AGPAT3: variants seen among roughly 807,000 people sequenced by gnomAD.
AGPAT3 encodes 1-acylglycerol-3-phosphate O-acyltransferase 3.
In AGPAT3, 5 loss-of-function variants were observed where a neutral mutation model predicts 47.3. The observed-to-expected ratio is 0.11, with a 90% CI of 0.06 to 0.22. The LOEUF (loss-of-function observed/expected upper bound fraction) is 0.22. AGPAT3 is among the 10% of genes least tolerant of loss of function. The probability of loss-of-function intolerance (pLI) is 1.00; values close to 1 mark genes in which losing one functional copy is unlikely to be tolerated. For missense variants in AGPAT3, 315 were observed against 493.0 expected, an observed-to-expected ratio of 0.64 and a Z score of 3.42; for synonymous variants, 212 against 208.3, an observed-to-expected ratio of 1.02 and a Z score of -0.15.
At chr21:43,947,642 G>A (rs2087960786) in intron 2 of AGPAT3, among the ~76,000 whole-genome samples, 1 of 152,036 alleles carries the variant, frequency 6.6e-6, no homozygotes, top group South Asian at 2.1e-4. Flanking sequence ...AACGGAGGTG[G>A]CATGTAACCA....
chr21:43,941,062 T>C (rs572328660), intron 2 of AGPAT3, among the ~76,000 whole-genome samples: 1 of 152,278 alleles, frequency 6.6e-6, no homozygotes, highest in African/African-American at 2.4e-5. Context: ...CCTCTGTCCA[T>C]GGGGTGTGTG....
chr21:43,922,426 C>T lies in AGPAT3; in HGVS notation c.-49+18407C>T, dbSNP rs1186186055. Among the ~76,000 whole-genome samples the T allele has an allele frequency of 1.3e-5, 2 of 152,046 alleles. No individual in the cohort carries two copies. The highest frequency in any genetic ancestry group is 4.8e-5 in the African/African-American group (2 of 41,390). On this transcript the variant is annotated intron_variant, in intron 2 of 9. Transcript: ENST00000291572. This position sits in a 1 kb window ranked among gnomAD's most constrained non-coding sequence, Gnocchi z 4.9. ...TCGAAGGAGGCTGCTGGCTTGTGAC[C>T]CTCCTTAACCCCACCCTCAAGGCAG...
Position 43,934,341 on chromosome 21 carries a change from A to T in AGPAT3, c.-48-25293A>T, listed in dbSNP as rs1040381391. 6.6e-6 allele frequency among the ~76,000 whole-genome samples: 1 copy of T among 152,142 alleles called. No individual in the cohort carries two copies. Among genetic ancestry groups the T allele is most frequent in the Non-Finnish European group, 1.5e-5 (1 of 68,026 alleles). On this transcript the variant is annotated intron_variant, in intron 2 of 9. Transcript: ENST00000291572. This position sits in a 1 kb window ranked among gnomAD's most constrained non-coding sequence, Gnocchi z 4.7. ...GGGCCTCCAGGCCTCGTCTTCCTTCACTGTGCCCATGCTCAGAGATGGTGA... is the reference window on the plus strand; with the variant it reads ...GGGCCTCCAGGCCTCGTCTTCCTTCTCTGTGCCCATGCTCAGAGATGGTGA...
chr21:43,885,537 C>T (rs536331330), intron 1 of AGPAT3, among the ~76,000 whole-genome samples: 24 of 152,068 alleles, frequency 1.6e-4, no homozygotes, highest in African/African-American at 5.3e-4. Context: ...TACAGGCACA[C>T]GCCACCATGC....
chr21:43,883,283 A>G (rs2085894540), intron 1 of AGPAT3, among the ~76,000 whole-genome samples: 1 of 152,172 alleles, frequency 6.6e-6, no homozygotes, highest in Non-Finnish European at 1.5e-5. Flanking sequence ...AGGAGCCCAG[A>G]GTCCATGGTG....
At chr21:43,867,371 C>T (rs533614487) in intron 1 of AGPAT3, 2 of 152,360 alleles carry the variant, frequency 1.3e-5, no homozygotes, top group East Asian at 1.9e-4. Context: ...TTGGAATTCT[C>T]CTAAACAGGG....
Position 43,955,202 on chromosome 21 carries a change from C to T in AGPAT3, c.-48-4432C>T, listed in dbSNP as rs1485284965. 1.4e-5 allele frequency: 17 copies of T among 1,250,250 alleles called. No individual in the cohort carries two copies. The highest frequency in any genetic ancestry group is 1.0e-4 in the Admixed American group (4 of 40,054). The allele number at this position is 1,250,250 out of a possible 1,614,324, so 77.4% of individuals were successfully genotyped here. A position where few individuals can be genotyped will look rare whatever the true frequency, so the allele number is the denominator to read the frequency against. On this transcript the variant is annotated intron_variant, in intron 2 of 9. Transcript: ENST00000291572. This position sits in a 1 kb window ranked among gnomAD's most constrained non-coding sequence, Gnocchi z 4.1. ...AAGCACCGCGCTGGACCGGCTGGGC[C>T]AGATGCCATGGGATTCTGTGTTTGT...
At chr21:43,907,577 C>T (rs543173890) in intron 2 of AGPAT3, among the ~76,000 whole-genome samples, 4 of 152,060 alleles carry the variant, frequency 2.6e-5, no homozygotes, top group South Asian at 2.1e-4. Context: ...ATTAGCTGGG[C>T]GTGGTGGCGG....
In AGPAT3 at chr21:43,921,802, T is replaced by G. The variant is rs116832867; in HGVS notation, c.-49+17783T>G. Among the ~76,000 whole-genome samples, 1,470 of 152,030 alleles carry G rather than the reference T, an allele frequency of 9.7e-3. 30 individuals are homozygous for G. Among genetic ancestry groups the G allele is most frequent in the African/African-American group, 0.033 (1,388 of 41,440 alleles). Reference sequence around the variant, plus strand: ...TTGATTCTCTGAGCTCTTTTTTTTTTCCCCCAGGGATAAAGCGTTAATTAC... The same window carrying G: ...TTGATTCTCTGAGCTCTTTTTTTTTGCCCCCAGGGATAAAGCGTTAATTAC... On this transcript the variant is annotated intron_variant, in intron 2 of 9. Coordinates refer to ENST00000291572, the MANE Select transcript of AGPAT3 (RefSeq NM_020132.5).
chr21:43,980,985 C>G lies in AGPAT3; in HGVS notation c.844-4C>G. 1 of 1,610,968 alleles carries G rather than the reference C, an allele frequency of 6.2e-7. No homozygotes were observed. Among genetic ancestry groups the G allele is most frequent in the East Asian group, 2.2e-5 (1 of 44,704 alleles). On this transcript the variant is annotated splice_polypyrimidine_tract_variant and splice_region_variant and intron_variant, in intron 8 of 9. Coordinates refer to ENST00000291572, the MANE Select transcript of AGPAT3 (RefSeq NM_020132.5). Reference sequence around the variant, plus strand: ...GCTTCCTTTTTCTCTGTTGACTCTTCTAGGACGCGCTCCAGGAGATATATA... The same window carrying G: ...GCTTCCTTTTTCTCTGTTGACTCTTGTAGGACGCGCTCCAGGAGATATATA...
chr21:43,870,414 G>A (rs2085599083), intron 1 of AGPAT3, among the ~76,000 whole-genome samples: 1 of 152,094 alleles, frequency 6.6e-6, no homozygotes, highest in Non-Finnish European at 1.5e-5. Flanking sequence ...TTCTTTAAAT[G>A]TTAGTGAATT....
intron 1 of AGPAT3, among the ~76,000 whole-genome samples, chr21:43,874,029 CAT>C (rs1166767556): frequency 6.6e-6 from 1 of 152,164 alleles, no homozygotes; most frequent in Non-Finnish European, 1.5e-5. Flanking sequence ...AACTTTCTGT[CAT>C]AAGTATTTTA....
intron 7 of AGPAT3, among the ~76,000 whole-genome samples, chr21:43,977,309 TTGCCTA>T (rs1359830731): frequency 6.6e-6 from 1 of 152,194 alleles, no homozygotes; most frequent in Non-Finnish European, 1.5e-5. Flanking sequence ...GAAATAATCT[TTGCCTA>T]ATGAAAGACA....
At position 43,915,798 on chromosome 21, in the gene AGPAT3, A is replaced by C. The variant is rs573120113; in HGVS notation, c.-49+11779A>C. ...TTTCAATTTAGCTATTAAGATTAAA[A>C]AAAATTTTTTTCCTTTTATATTTAT... On this transcript the variant is annotated intron_variant, in intron 2 of 9. Coordinates refer to ENST00000291572, the MANE Select transcript of AGPAT3 (RefSeq NM_020132.5). 5.9e-5 allele frequency among the ~76,000 whole-genome samples: 9 copies of C among 152,302 alleles called. No individual in the cohort carries two copies. In the South Asian group the frequency reaches 1.9e-3, roughly 32 times the overall value.
chr21:43,964,792 T>C lies in AGPAT3; in HGVS notation c.179-3154T>C, dbSNP rs1455921824. On this transcript the variant is annotated intron_variant, in intron 3 of 9. Transcript: ENST00000291572. ...GGGTATGTGAATTCCGTCTGTGACTTGTTGGATTTGGGATGTTCTCCACTT... is the reference window on the plus strand; with the variant it reads ...GGGTATGTGAATTCCGTCTGTGACTCGTTGGATTTGGGATGTTCTCCACTT... 3.3e-5 allele frequency: 5 copies of C among 152,250 alleles called. No individual in the cohort carries two copies. In the East Asian group the frequency reaches 9.7e-4, roughly 29 times the overall value. The allele number at this position is 152,250 out of a possible 1,614,324, so 9.4% of individuals were successfully genotyped here. A position where few individuals can be genotyped will look rare whatever the true frequency, so the allele number is the denominator to read the frequency against.
intron 1 of AGPAT3, among the ~76,000 whole-genome samples, chr21:43,887,756 GT>G (rs1465283878): frequency 6.6e-6 from 1 of 152,220 alleles, no homozygotes; most frequent in Non-Finnish European, 1.5e-5. Context: ...TCAGACTCAA[GT>G]GATTCTCCTG....
At chr21:43,974,655 T>A (rs1403658390) in intron 7 of AGPAT3, among the ~76,000 whole-genome samples, 1 of 151,584 alleles carries the variant, frequency 6.6e-6, no homozygotes, top group Non-Finnish European at 1.5e-5. Flanking sequence ...TGTGTATAAA[T>A]TATAAATGTG....
At chr21:43,973,714 G>A (rs56326829) in intron 7 of AGPAT3, among the ~76,000 whole-genome samples, 231 of 152,350 alleles carry the variant, frequency 1.5e-3, no homozygotes, top group African/African-American at 5.2e-3. Flanking sequence ...GTGTCCCCGC[G>A]CGCCCCTGCA....
chr21:43,938,064 A>G (rs1425548525), intron 2 of AGPAT3, among the ~76,000 whole-genome samples: 1 of 150,526 alleles, frequency 6.6e-6, no homozygotes, highest in Non-Finnish European at 1.5e-5. Flanking sequence ...GGAGGGCTGC[A>G]TTTCTCCTCT....
Sources: gnomAD v4.1 joint callset for allele counts (sites outside exome capture counted in the v4.1 genomes callset) on GRCh38, gnomAD v4.1.1 for gene constraint, Gnocchi (gnomAD v3.1) non-coding constraint, MANE v1.5 for transcripts, NCBI Gene and HGNC (gene_info 2026-07-23, HGNC 2026-07-21) for gene names.